Variants in ATP7B observed in about 807,000 individuals in gnomAD.
The protein encoded by ATP7B is ATPase copper transporting beta.
A neutral mutation model predicts 118.9 loss-of-function variants in ATP7B; 113 were observed. The observed-to-expected ratio is 0.95, with a 90% CI of 0.82 to 1.11. ATP7B has a LOEUF of 1.11. Among genes scored for constraint, ATP7B ranks in the 50% most tolerant of loss-of-function variants. ATP7B has a pLI of 0.00. For missense variants in ATP7B, 1,867 were observed against 1,871.4 expected (o/e 1.00, Z 0.04); for synonymous variants, 777 against 727.4 (o/e 1.07, Z -1.10).
At chr13:51,957,441 C>T in intron 9 of ATP7B, 75 bp downstream of exon 9, 1 of 1,435,080 alleles carries the variant, frequency 7.0e-7, no homozygotes, top group Non-Finnish European at 9.8e-7. Flanking sequence ...AATGTCAATA[C>T]AACATGGGCA....
upstream of ATP7B, chr13:52,011,527 G>A (rs1042034684): frequency 5.7e-6 from 4 of 701,774 alleles, no homozygotes; most frequent in East Asian, 2.7e-5. Context: ...GGAAGCCGCA[G>A]CCCTCTTCAC....
chr13:51,951,497 G>A (rs1019946346), intron 9 of ATP7B, among the ~76,000 whole-genome samples: 19 of 152,128 alleles, frequency 1.2e-4, no homozygotes, highest in African/African-American at 4.1e-4. Flanking sequence ...GGAAAGAAGA[G>A]GTCAGAGGTA....
intron 1 of ATP7B, among the ~76,000 whole-genome samples, chr13:51,989,471 C>A (rs547884016): frequency 6.6e-6 from 1 of 151,538 alleles, no homozygotes; most frequent in Non-Finnish European, 1.5e-5. Flanking sequence ...CTCTCAACCA[C>A]AGCAAGGGAA....
At chr13:51,942,627 G>C (rs1226411446) in intron 14 of ATP7B, 73 bp from the exon 15 acceptor site, 7 of 1,579,830 alleles carry the variant, frequency 4.4e-6, no homozygotes, top group Non-Finnish European at 6.1e-6. Context: ...GGGCAGGCAG[G>C]ACAGGGACAC....
intron 9 of ATP7B, among the ~76,000 whole-genome samples, chr13:51,952,120 T>C (rs1008994611): frequency 6.2e-4 from 94 of 152,192 alleles, no homozygotes; most frequent in African/African-American, 2.1e-3. Context: ...AAAGTGGGGA[T>C]TGTGTCTTGT....
chr13:52,005,926 G>A (rs914055237), intron 1 of ATP7B, among the ~76,000 whole-genome samples: 4 of 152,104 alleles, frequency 2.6e-5, no homozygotes, highest in East Asian at 1.9e-4. Flanking sequence ...TAACGCCCAC[G>A]CTGGAAGGTT....
intron 15 of ATP7B, among the ~76,000 whole-genome samples, chr13:51,941,689 C>G (rs1957343284): frequency 6.6e-6 from 1 of 152,200 alleles, no homozygotes; most frequent in Non-Finnish European, 1.5e-5. Context: ...TAATGCACCT[C>G]TCACCTATCA....
chr13:51,964,915 T>C lies in ATP7B; in HGVS notation c.1826A>G (p.Asp609Gly). ...ATCCCGTGGACCGATAATTTCCGGG[T>C]CAAACTTAACAAGGGCTTTGCTGGT... Reference protein sequence around the residue: ...LATSKALVKFDPEIIGPRDII... With the variant: ...LATSKALVKFGPEIIGPRDII... Residue 609 changes from aspartate (D) to glycine (G), a missense_variant, in exon 5 of 21, where the codon GAC becomes GGC. Transcript: ENST00000242839. 1 of 1,614,170 alleles carries C rather than the reference T, an allele frequency of 6.2e-7. No individual in the cohort carries two copies. The highest frequency in any genetic ancestry group is 8.5e-7 in the Non-Finnish European group (1 of 1,180,030).
rs1801248 is a variant in ATP7B at position 51,946,299 on chromosome 13, C to T, written c.3045G>A (p.Leu1015=). ...NGILIKGGKP[L]EMAHKIKTVM... is the part of the protein sequence containing the mutation. ...ACAGGCTGACCTTGTGCGCCATCTC[C>T]AGGGGCTTGCCTCCCTTGATGAGGA... Residue 1015 remains leucine (L), a synonymous_variant, in exon 13 of 21, where the codon CTG becomes CTA. Coordinates refer to ENST00000242839, the MANE Select transcript of ATP7B (RefSeq NM_000053.4). 54,737 of 1,592,588 alleles carry T rather than the reference C, an allele frequency of 0.034. 1,103 individuals carry two copies. Among genetic ancestry groups the T allele is most frequent in the Middle Eastern group, 0.05 (230 of 4,564 alleles).
At chr13:51,991,990 T>C (rs9535826) in intron 1 of ATP7B, among the ~76,000 whole-genome samples, 1 of 151,968 alleles carries the variant, frequency 6.6e-6, no homozygotes, top group Non-Finnish European at 1.5e-5. Context: ...ACTCTGAGCT[T>C]TTACCAGTTA....
At chr13:51,937,735 G>C in intron 17 of ATP7B, 56 bp from the exon 18 acceptor site, 1 of 1,588,570 alleles carries the variant, frequency 6.3e-7, no homozygotes, top group South Asian at 1.1e-5. Flanking sequence ...GATAGCAGCA[G>C]AAACCTCAAG....
intron 1 of ATP7B, among the ~76,000 whole-genome samples, chr13:51,996,851 T>C (rs561797601): frequency 1.3e-5 from 2 of 152,326 alleles, no homozygotes; most frequent in Admixed American, 1.3e-4. Flanking sequence ...AGCAACCAAC[T>C]CCTCCAAAAT....
intron 1 of ATP7B, among the ~76,000 whole-genome samples, chr13:51,989,175 C>G (rs1952797414): frequency 6.6e-6 from 1 of 152,160 alleles, no homozygotes; most frequent in Admixed American, 6.5e-5. Context: ...ATAGTTTTCT[C>G]CATTTTACTG....
chr13:51,953,689 C>T (rs1469948872), intron 9 of ATP7B, among the ~76,000 whole-genome samples: 5 of 152,032 alleles, frequency 3.3e-5, no homozygotes, highest in African/African-American at 1.2e-4. Context: ...TTTCATAGCA[C>T]TTCATCTTTA....
rs747012041 is a variant in ATP7B, at chr13:51,974,392, T to G, written c.828A>C (p.Glu276Asp). 1.2e-6 allele frequency: 2 copies of G among 1,614,022 alleles called. No individual in the cohort carries two copies. Among genetic ancestry groups the G allele is most frequent in the Non-Finnish European group, 1.7e-6 (2 of 1,180,046 alleles). The change falls in exon 2 of 21, where the codon GAA becomes GAC. Residue 276 changes from glutamate (E) to aspartate (D), a missense_variant. Coordinates refer to ENST00000242839, the MANE Select transcript of ATP7B (RefSeq NM_000053.4). ...MHCKSCVLNI[E>D]ENIGQLLGVQ... ...CCCCTAGGAGCTGGCCAATATTTTC[T>G]TCAATATTCAAGACGCAAGACTTAC...
At chr13:51,938,933 G>GCAT in intron 17 of ATP7B, 118 bp downstream of exon 17, 1 of 1,504,868 alleles carries the variant, frequency 6.6e-7, no homozygotes, top group East Asian at 2.3e-5. Context: ...GGAGAGAAAA[G>GCAT]CATCCAGCAA....
chr13:51,999,640 C>T (rs1953391960), intron 1 of ATP7B, among the ~76,000 whole-genome samples: 1 of 152,186 alleles, frequency 6.6e-6, no homozygotes, highest in Non-Finnish European at 1.5e-5. Flanking sequence ...CATCATCTGG[C>T]ACCTTCCTGC....
At chr13:51,937,935 GTCC>G (rs1304618071) in intron 17 of ATP7B, among the ~76,000 whole-genome samples, 5 of 152,160 alleles carry the variant, frequency 3.3e-5, no homozygotes, top group African/African-American at 1.2e-4. Context: ...CCACGGCTCA[GTCC>G]TCCAACTGTC....
At chr13:52,009,375 ATTTCTTCT>A (rs1243867310) in intron 1 of ATP7B, among the ~76,000 whole-genome samples, 1 of 151,946 alleles carries the variant, frequency 6.6e-6, no homozygotes, top group Non-Finnish European at 1.5e-5. Flanking sequence ...GGTCTGAAAC[ATTTCTTCT>A]CCCTGAGGGC....
Sources: gnomAD v4.1 joint callset for allele counts (sites outside exome capture counted in the v4.1 genomes callset) on GRCh38, gnomAD v4.1.1 for gene constraint, MANE v1.5 for transcripts, NCBI Gene and HGNC (gene_info 2026-07-23, HGNC 2026-07-21) for gene names.